Variants in SLC25A26 observed in about 807,000 individuals in gnomAD.
SLC25A26 encodes mitochondrial S-adenosylmethionine carrier protein.
In SLC25A26, 36 loss-of-function variants were observed where a neutral mutation model predicts 37.8. The observed-to-expected ratio is 0.95, with a 90% confidence interval of 0.73 to 1.26. SLC25A26 has a LOEUF of 1.26. Ranked by LOEUF, SLC25A26 falls within the 50% of genes most tolerant of loss-of-function variation. SLC25A26 has a pLI of 0.00. For synonymous variants in SLC25A26, 129 were observed against 122.5 expected (o/e 1.05, Z -0.35); for missense variants, 390 against 331.1 (o/e 1.18, Z -1.38).
chr3:66,306,268 C>T (rs1576839330), intron 5 of SLC25A26, among the ~76,000 whole-genome samples: 1 of 152,338 alleles, frequency 6.6e-6, no homozygotes, highest in East Asian at 1.9e-4. Flanking sequence ...GCGTAAGCCA[C>T]TGCGCCTGGT....
upstream of SLC25A26, among the ~76,000 whole-genome samples, chr3:66,219,943 T>G (rs2071424577): frequency 6.6e-6 from 1 of 152,204 alleles, no homozygotes; most frequent in Non-Finnish European, 1.5e-5. Flanking sequence ...TGATAGAATT[T>G]GAATTCCATC....
chr3:66,218,540 A>G (rs2071395082), upstream of SLC25A26, among the ~76,000 whole-genome samples: 1 of 152,196 alleles, frequency 6.6e-6, no homozygotes, highest in Admixed American at 6.5e-5. Flanking sequence ...AGTTTCCAAG[A>G]TGGCACCCAG....
intron 6 of SLC25A26, among the ~76,000 whole-genome samples, chr3:66,353,826 C>A (rs545021710): frequency 1.3e-5 from 2 of 152,204 alleles, no homozygotes; most frequent in Non-Finnish European, 2.9e-5. Context: ...ACCGAATTTT[C>A]CACGTGCTTG....
intron 1 of SLC25A26, among the ~76,000 whole-genome samples, chr3:66,201,788 A>G (rs2106814346): frequency 6.6e-6 from 1 of 152,326 alleles, no homozygotes; most frequent in Admixed American, 6.5e-5. Flanking sequence ...TCTATCATCA[A>G]CAAAATAAAT....
intron 5 of SLC25A26, among the ~76,000 whole-genome samples, chr3:66,274,395 C>G (rs1458066762): frequency 2.0e-5 from 3 of 151,578 alleles, no homozygotes; most frequent in Non-Finnish European, 4.4e-5. Flanking sequence ...CCAAAATTGA[C>G]AAATGGGATC....
intron 6 of SLC25A26, among the ~76,000 whole-genome samples, chr3:66,349,208 G>A (rs990156509): frequency 6.6e-6 from 1 of 152,192 alleles, no homozygotes; most frequent in Admixed American, 6.5e-5. Context: ...TTGAGCAAAT[G>A]TTAAGATGCT....
intron 5 of SLC25A26, among the ~76,000 whole-genome samples, chr3:66,322,488 C>A (rs1334814220): frequency 1.3e-5 from 2 of 152,200 alleles, no homozygotes; most frequent in African/African-American, 2.4e-5. Context: ...ACCACAGATA[C>A]ACTTTTTAGC....
At chr3:66,283,253 T>G (rs2074404710) in intron 5 of SLC25A26, among the ~76,000 whole-genome samples, 1 of 152,166 alleles carries the variant, frequency 6.6e-6, no homozygotes, top group South Asian at 2.1e-4. Context: ...AGTGTATATT[T>G]AGCTTTATTA....
chr3:66,292,955 C>T (rs934518543), intron 5 of SLC25A26, among the ~76,000 whole-genome samples: 1 of 152,050 alleles, frequency 6.6e-6, no homozygotes. Flanking sequence ...TTCACATAGT[C>T]CTATATTTCT....
intron 5 of SLC25A26, among the ~76,000 whole-genome samples, chr3:66,268,886 G>A (rs938789568): frequency 2.6e-5 from 4 of 152,254 alleles, no homozygotes; most frequent in Middle Eastern, 3.4e-3. Flanking sequence ...CATGTAAGAC[G>A]TGCCTTGCTT....
chr3:66,214,281 A>G (rs1232615096), intron 1 of SLC25A26, among the ~76,000 whole-genome samples: 3 of 152,174 alleles, frequency 2.0e-5, no homozygotes, highest in Admixed American at 1.3e-4. Context: ...TTCTGCCATG[A>G]ATAAAAGCTT....
At chr3:66,226,388 C>G (rs529523910) in intron 1 of SLC25A26, among the ~76,000 whole-genome samples, 2 of 152,172 alleles carry the variant, frequency 1.3e-5, no homozygotes, top group Non-Finnish European at 2.9e-5. Context: ...CCCACCAGGC[C>G]CCTCCCACAA....
chr3:66,151,254 A>T (rs193273654), intron 1 of SLC25A26, among the ~76,000 whole-genome samples: 1 of 152,220 alleles, frequency 6.6e-6, no homozygotes. Context: ...CCACTACTCC[A>T]TTCTGCCTAC....
chr3:66,309,130 C>T (rs548837270), intron 5 of SLC25A26, among the ~76,000 whole-genome samples: 1 of 152,210 alleles, frequency 6.6e-6, no homozygotes, highest in South Asian at 2.1e-4. Flanking sequence ...TAGAATTCGG[C>T]TGTGAGCCAT....
chr3:66,211,863 A>G (rs1211647897), intron 1 of SLC25A26, among the ~76,000 whole-genome samples: 2 of 152,210 alleles, frequency 1.3e-5, no homozygotes, highest in East Asian at 3.8e-4. Context: ...ACAGTTCAGT[A>G]GCATTAAGTA....
intron 1 of SLC25A26, among the ~76,000 whole-genome samples, chr3:66,179,427 A>G (rs561735351): frequency 6.6e-6 from 1 of 152,314 alleles, no homozygotes; most frequent in East Asian, 1.9e-4. Context: ...TTTCCCCCTC[A>G]AATTCATAAG....
intron 6 of SLC25A26, among the ~76,000 whole-genome samples, chr3:66,353,283 TAC>T (rs1252906758): frequency 1.3e-5 from 2 of 152,034 alleles, no homozygotes; most frequent in Non-Finnish European, 2.9e-5. Flanking sequence ...TTTTCAAAGC[TAC>T]AGTGTGCCAG....
At chr3:66,281,750 C>T (rs1411310331) in intron 5 of SLC25A26, among the ~76,000 whole-genome samples, 2 of 151,182 alleles carry the variant, frequency 1.3e-5, no homozygotes, top group Non-Finnish European at 2.9e-5. Context: ...GATACTTAAA[C>T]TGTCCCATAT....
intron 1 of SLC25A26, among the ~76,000 whole-genome samples, chr3:66,235,664 A>G (rs531790736): frequency 4.6e-5 from 7 of 152,344 alleles, no homozygotes; most frequent in South Asian, 4.1e-4. Flanking sequence ...AGACAACAAT[A>G]TAACATTTGG....
Sources: allele counts gnomAD v4.1 joint callset (sites outside exome capture counted in the v4.1 genomes callset), GRCh38; gene constraint gnomAD v4.1.1; transcripts MANE v1.5; gene names NCBI Gene and HGNC (gene_info 2026-07-23, HGNC 2026-07-21).